The following FOXP1 variants were observed in gnomAD, a reference collection of about 807,000 sequenced individuals.
FOXP1 encodes the protein forkhead box P1.
A neutral mutation model predicts 98.2 loss-of-function variants in FOXP1; 15 were observed. The observed-to-expected ratio is 0.15, with a 90% confidence interval of 0.10 to 0.24. The LOEUF is 0.24. Ranked by LOEUF, FOXP1 falls within the 10% of genes least tolerant of loss-of-function variation. The pLI, the probability that FOXP1 is intolerant of heterozygous loss-of-function variation, is 1.00. For synonymous variants in FOXP1, 371 were observed against 314.5 expected (o/e 1.18, Z -1.90); for missense variants, 633 against 848.5 (o/e 0.75, Z 3.15).
rs1201803442 is a variant in FOXP1, at chr3:71,091,058, A to C, written c.282+21478T>G. ...TATAATGATCAGAACAACAGCTATA[A>C]GAAGGGCAGGTAACATTTTGAGCTA... is the stretch of plus-strand genomic sequence containing the variant. On this transcript the variant is annotated intron_variant, in intron 7 of 20. Transcript: ENST00000649528. Among the ~76,000 whole-genome samples, 3 of 144,718 alleles carry C rather than the reference A, an allele frequency of 2.1e-5. No homozygotes were observed. In the East Asian group the frequency reaches 6.3e-4, roughly 30 times the overall value. 94.9% of individuals were successfully genotyped at this position (144,718 alleles called of 152,430 possible).
rs2067730861 is a variant in FOXP1 at position 71,246,169 on chromosome 3, T to C, written c.-11-47777A>G. Among the ~76,000 whole-genome samples, 3 of 151,926 alleles carry C rather than the reference T, an allele frequency of 2.0e-5. No individual in the cohort carries two copies. The South Asian group carries it at 6.2e-4, about 32-fold the overall frequency. ...GCTGAGAAGGCTTCCATATCTTTATTCCCTAGGTGAGAGCCGTGGCTGCTC... is the reference window on the plus strand; with the variant it reads ...GCTGAGAAGGCTTCCATATCTTTATCCCCTAGGTGAGAGCCGTGGCTGCTC... On this transcript the variant is annotated intron_variant, in intron 5 of 20. Transcript: ENST00000649528.
At chr3:71,519,756 G>A (rs935837874) in intron 2 of FOXP1, among the ~76,000 whole-genome samples, 1 of 152,250 alleles carries the variant, frequency 6.6e-6, no homozygotes, top group African/African-American at 2.4e-5. Flanking sequence ...TGTGGTGTAA[G>A]TACTTTAAAT....
chr3:71,323,336 C>T (rs2075504085), intron 4 of FOXP1, among the ~76,000 whole-genome samples: 1 of 152,152 alleles, frequency 6.6e-6, no homozygotes, highest in African/African-American at 2.4e-5. Flanking sequence ...GTATAAGGAA[C>T]AGTCTACTGC....
At chr3:71,255,930 G>GA in intron 5 of FOXP1, among the ~76,000 whole-genome samples, 1 of 152,004 alleles carries the variant, frequency 6.6e-6, no homozygotes, top group East Asian at 1.9e-4. Context: ...GATTATTAGG[G>GA]AAAAAAAGAC....
intron 4 of FOXP1, among the ~76,000 whole-genome samples, chr3:71,316,734 G>C (rs1377958283): frequency 1.3e-5 from 2 of 150,594 alleles, no homozygotes; most frequent in Non-Finnish European, 3.0e-5. Context: ...CTCAGCTCAC[G>C]GCAACCTTCG....
chr3:71,559,773 G>A (rs1243414422), intron 2 of FOXP1, among the ~76,000 whole-genome samples: 2 of 152,130 alleles, frequency 1.3e-5, no homozygotes, highest in Admixed American at 1.3e-4. Flanking sequence ...CTTGAGCCTG[G>A]GAGGTCAAGG....
intron 5 of FOXP1, among the ~76,000 whole-genome samples, chr3:71,277,830 T>G (rs968342982): frequency 3.3e-5 from 5 of 152,104 alleles, no homozygotes; most frequent in African/African-American, 1.2e-4. Context: ...ATTAATTAAA[T>G]TTTTTTAGGG....
chr3:71,192,940 G>GCA (rs1439194979), intron 6 of FOXP1, among the ~76,000 whole-genome samples: 2 of 152,032 alleles, frequency 1.3e-5, no homozygotes, highest in Non-Finnish European at 2.9e-5. Context: ...ATGAGACACT[G>GCA]CACGCAGCCT....
intron 5 of FOXP1, among the ~76,000 whole-genome samples, chr3:71,271,749 G>A (rs999036974): frequency 2.0e-5 from 3 of 152,102 alleles, no homozygotes; most frequent in African/African-American, 4.8e-5. Flanking sequence ...GGCTGCTCAC[G>A]TACCAAAAAA....
chr3:71,279,620 G>A (rs1347536604), intron 5 of FOXP1, among the ~76,000 whole-genome samples: 1 of 152,130 alleles, frequency 6.6e-6, no homozygotes, highest in African/African-American at 2.4e-5. Context: ...CAAGCTTTTT[G>A]TATACAATCT....
At chr3:71,355,603 C>T (rs917586177) in intron 4 of FOXP1, among the ~76,000 whole-genome samples, 2 of 152,012 alleles carry the variant, frequency 1.3e-5, no homozygotes, top group African/African-American at 2.4e-5. Context: ...TTGGAAACCA[C>T]GCGGCAAAAG....
chr3:71,156,908 G>A (rs2060851139), intron 6 of FOXP1, among the ~76,000 whole-genome samples: 2 of 152,238 alleles, frequency 1.3e-5, no homozygotes, highest in African/African-American at 4.8e-5. Context: ...CTGCCACACT[G>A]GGCCAGGCTG....
chr3:71,038,462 T>C (rs2047904733), intron 11 of FOXP1, among the ~76,000 whole-genome samples: 1 of 152,134 alleles, frequency 6.6e-6, no homozygotes, highest in Admixed American at 6.5e-5. Context: ...AGAGAAAACT[T>C]ATCCAAGGCA....
chr3:71,285,125 C>T (rs930094828), intron 5 of FOXP1, among the ~76,000 whole-genome samples: 1 of 152,104 alleles, frequency 6.6e-6, no homozygotes, highest in Non-Finnish European at 1.5e-5. Context: ...AGAACATTAA[C>T]CCCACTCCAA....
At chr3:71,055,039 A>T (rs770379852) in intron 7 of FOXP1, among the ~76,000 whole-genome samples, 3 of 152,112 alleles carry the variant, frequency 2.0e-5, no homozygotes, top group Non-Finnish European at 4.4e-5. Context: ...CTTTCAGGGG[A>T]GCAGTAAGCA....
At chr3:71,387,892 T>C (rs963398387) in intron 3 of FOXP1, among the ~76,000 whole-genome samples, 3 of 152,240 alleles carry the variant, frequency 2.0e-5, no homozygotes, top group Admixed American at 6.5e-5. Flanking sequence ...AACAAGAAAC[T>C]GACTTGGTTA....
chr3:70,982,607 A>G (rs1313468589), intron 14 of FOXP1, among the ~76,000 whole-genome samples: 1 of 152,024 alleles, frequency 6.6e-6, no homozygotes, highest in Non-Finnish European at 1.5e-5. Context: ...TATTTTTTAA[A>G]TTTATTTGTA....
At chr3:71,383,431 C>A (rs12491667) in intron 3 of FOXP1, among the ~76,000 whole-genome samples, 3 of 151,858 alleles carry the variant, frequency 2.0e-5, no homozygotes, top group African/African-American at 7.3e-5. Context: ...CATTGTTGGT[C>A]TAGTATCAGA....
intron 5 of FOXP1, among the ~76,000 whole-genome samples, chr3:71,199,883 C>T (rs2063552715): frequency 6.6e-6 from 1 of 151,946 alleles, no homozygotes; most frequent in Non-Finnish European, 1.5e-5. Context: ...CAAGACCAGC[C>T]TGGCCAATAT....
Sources: allele counts gnomAD v4.1 joint callset (sites outside exome capture counted in the v4.1 genomes callset), GRCh38; gene constraint gnomAD v4.1.1; transcripts MANE v1.5; gene names NCBI Gene and HGNC (gene_info 2026-07-23, HGNC 2026-07-21).